Variants in SRD5A1 observed in about 807,000 individuals in gnomAD.
The protein encoded by SRD5A1 is 3-oxo-5-alpha-steroid 4-dehydrogenase 1.
In SRD5A1, 22 loss-of-function variants were observed where a neutral mutation model predicts 28.2. The observed-to-expected ratio is 0.78, with a 90% CI of 0.56 to 1.12. The LOEUF (loss-of-function observed/expected upper bound fraction) is 1.12, where lower values mean the gene tolerates loss of function less well. Ranked by LOEUF, SRD5A1 falls within the 50% of genes most tolerant of loss-of-function variation. The probability of loss-of-function intolerance (pLI) is 0.00; values close to 1 mark genes in which losing one functional copy is unlikely to be tolerated. For synonymous variants in SRD5A1, 151 were observed against 135.0 expected, an observed-to-expected ratio of 1.12 and a Z score of -0.82; for missense variants, 300 against 346.7, an observed-to-expected ratio of 0.87 and a Z score of 1.07.
intron 1 of SRD5A1, among the ~76,000 whole-genome samples, chr5:6,647,606 T>G (rs1738544968): frequency 6.6e-6 from 1 of 152,230 alleles, no homozygotes; most frequent in African/African-American, 2.4e-5. Flanking sequence ...TGCTTTTTGC[T>G]TTCCATTTGC....
intron 1 of SRD5A1, among the ~76,000 whole-genome samples, chr5:6,638,207 C>T (rs530667344): frequency 5.3e-4 from 81 of 152,264 alleles, no homozygotes; most frequent in Non-Finnish European, 9.3e-4. Flanking sequence ...GGTGTGGTGG[C>T]GCATGCCTGT....
At chr5:6,651,029 A>G (rs1207588876) in intron 1 of SRD5A1, among the ~76,000 whole-genome samples, 1 of 151,926 alleles carries the variant, frequency 6.6e-6, no homozygotes, top group African/African-American at 2.4e-5. Context: ...TCTTAATTTT[A>G]TCCTCTATCA....
intron 3 of SRD5A1, 64 bp from the exon 4 acceptor site, chr5:6,662,752 C>G (rs979194579): frequency 6.5e-7 from 1 of 1,543,856 alleles, no homozygotes; most frequent in African/African-American, 1.4e-5. Flanking sequence ...TATTCACTAG[C>G]ATCTCTGAAG....
rs777046794 is a variant in SRD5A1 at position 6,633,678 on chromosome 5, G to C, written c.102G>C (p.Thr34=). The change falls in exon 1 of 5, where the codon ACG becomes ACC. Residue 34 remains threonine (T), a synonymous_variant. Coordinates refer to ENST00000274192, the MANE Select transcript of SRD5A1 (RefSeq NM_001047.4). Reference sequence around the variant, plus strand: ...CGGTCTTCGCGCGCAATCGTCAGACGAACTCAGTGTACGGCCGCCACGCGC... The same window carrying C: ...CGGTCTTCGCGCGCAATCGTCAGACCAACTCAGTGTACGGCCGCCACGCGC... ...GCAVFARNRQ[T]NSVYGRHALP... 3.2e-6 allele frequency: 5 copies of C among 1,585,784 alleles called. No homozygotes were observed. Among genetic ancestry groups the C allele is most frequent in the Non-Finnish European group, 3.4e-6 (4 of 1,173,658 alleles).
chr5:6,660,460 T>C (rs1738968224), intron 3 of SRD5A1, among the ~76,000 whole-genome samples: 1 of 152,238 alleles, frequency 6.6e-6, no homozygotes. Context: ...ACGTCTGGGA[T>C]TCACCTGCCC....
At chr5:6,661,540 T>C (rs1005312051) in intron 3 of SRD5A1, among the ~76,000 whole-genome samples, 47 of 148,382 alleles carry the variant, frequency 3.2e-4, no homozygotes, top group Non-Finnish European at 2.2e-4. Flanking sequence ...CTTTTTTTTT[T>C]TTTTTTTTTT....
At chr5:6,647,877 A>C (rs551756615) in intron 1 of SRD5A1, among the ~76,000 whole-genome samples, 13 of 152,142 alleles carry the variant, frequency 8.5e-5, no homozygotes, top group Non-Finnish European at 1.8e-4. Flanking sequence ...GATCTTTACA[A>C]TTTGGTATAT....
chr5:6,637,395 T>G (rs908764209), intron 1 of SRD5A1, among the ~76,000 whole-genome samples: 4 of 152,190 alleles, frequency 2.6e-5, no homozygotes, highest in Admixed American at 6.5e-5. Flanking sequence ...TCTTCCCCAC[T>G]GGTCTTTCTC....
intron 4 of SRD5A1, among the ~76,000 whole-genome samples, chr5:6,666,341 G>A (rs1739176633): frequency 6.6e-6 from 1 of 152,042 alleles, no homozygotes; most frequent in Non-Finnish European, 1.5e-5. Flanking sequence ...GTAGAGACGG[G>A]GTTTCACCGT....
intron 1 of SRD5A1, among the ~76,000 whole-genome samples, chr5:6,637,691 G>A (rs8192147): frequency 0.039 from 5,955 of 152,284 alleles, 232 homozygotes; most frequent in South Asian, 0.1. Context: ...AGGAGGTGCC[G>A]CTTGCCACGG....
chr5:6,660,965 A>G (rs1738982036), intron 3 of SRD5A1, among the ~76,000 whole-genome samples: 2 of 152,192 alleles, frequency 1.3e-5, no homozygotes, highest in South Asian at 4.1e-4. Flanking sequence ...ATTACATGTC[A>G]TGAGAATTCA....
intron 1 of SRD5A1, among the ~76,000 whole-genome samples, chr5:6,648,185 C>A (rs1432206025): frequency 6.6e-6 from 1 of 152,144 alleles, no homozygotes; most frequent in Non-Finnish European, 1.5e-5. Flanking sequence ...GGGTAACCAG[C>A]CCTTTCTCTC....
intron 1 of SRD5A1, among the ~76,000 whole-genome samples, chr5:6,637,892 A>G (rs1738244012): frequency 1.3e-5 from 2 of 152,162 alleles, no homozygotes; most frequent in African/African-American, 4.8e-5. Context: ...ACCTACTTTG[A>G]TTCCTTGTAT....
intron 2 of SRD5A1, among the ~76,000 whole-genome samples, chr5:6,652,693 G>A (rs916558562): frequency 1.3e-5 from 2 of 151,900 alleles, no homozygotes; most frequent in African/African-American, 2.4e-5. Flanking sequence ...GCAACATGGC[G>A]AAACTCCAGC....
intron 1 of SRD5A1, among the ~76,000 whole-genome samples, chr5:6,643,734 G>A (rs166050): frequency 0.83 from 126,156 of 152,204 alleles, 52,910 homozygotes; most frequent in African/African-American, 0.96. Flanking sequence ...TTAACTCACC[G>A]TTGATGCACA....
chr5:6,664,107 G>GTATGCACA (rs1359610699), intron 4 of SRD5A1, among the ~76,000 whole-genome samples: 1 of 152,098 alleles, frequency 6.6e-6, no homozygotes, highest in Admixed American at 6.5e-5. Context: ...GGCCAGCCTG[G>GTATGCACA]TATGCACATT....
chr5:6,656,199 A>T lies in SRD5A1; in HGVS notation c.562+20A>T. The T allele has an allele frequency of 1.9e-6, 3 of 1,596,894 alleles. No homozygotes were observed. Among genetic ancestry groups the T allele is most frequent in the Non-Finnish European group, 2.6e-6 (3 of 1,165,320 alleles). On this transcript the variant is annotated intron_variant, in intron 3 of 4. Transcript: ENST00000274192. ...CAAGGGGTACGTACAGAAAGTGAAG[A>T]ATTTCTGTGAAAGTTGCTTGCCATG...
In SRD5A1 at chr5:6,633,607, C is replaced by A; in HGVS notation, c.31C>A (p.Arg11Ser). The change falls in exon 1 of 5, where the codon CGC becomes AGC. Residue 11 changes from arginine (R) to serine (S), a missense_variant. By Grantham distance (110) the Arg-to-Ser change is moderately radical. This residue lies in a region of SRD5A1 where 174 missense variants were observed against 160.9 expected (regional missense o/e 1.08). Transcript: ENST00000274192. ...AACGGCGACGGGGGTGGCGGAGGAG[C>A]GCCTGCTGGCCGCGCTCGCCTACCT... is the stretch of plus-strand genomic sequence containing the variant. MATATGVAEERLLAALAYLQC... is the reference protein window; with the variant it reads MATATGVAEESLLAALAYLQC... 1.3e-6 allele frequency: 2 copies of A among 1,525,120 alleles called. No individual in the cohort carries two copies. Among genetic ancestry groups the A allele is most frequent in the Non-Finnish European group, 1.7e-6 (2 of 1,143,776 alleles). 94.5% of individuals were successfully genotyped at this position (1,525,120 alleles called of 1,614,324 possible).
rs187529302 is a variant in SRD5A1 at position 6,654,512 on chromosome 5, C to T, written c.461-1566C>T. Among the ~76,000 whole-genome samples, 7 of 152,242 alleles carry T rather than the reference C, an allele frequency of 4.6e-5. No individual in the cohort carries two copies. In the East Asian group the frequency reaches 9.6e-4, roughly 21 times the overall value. On this transcript the variant is annotated intron_variant, in intron 2 of 4. Coordinates refer to ENST00000274192, the MANE Select transcript of SRD5A1 (RefSeq NM_001047.4). ...GCAGTGGCGTGATCTTGGCTCATGG[C>T]AACGTGTGCCTCCCAGGCTCAAGCA...
Sources: allele counts gnomAD v4.1 joint callset (sites outside exome capture counted in the v4.1 genomes callset), GRCh38; gene constraint gnomAD v4.1.1; regional missense constraint gnomAD v4.1.1; transcripts MANE v1.5; gene names NCBI Gene and HGNC (gene_info 2026-07-23, HGNC 2026-07-21).